RPAIN: variants seen among roughly 807,000 people sequenced by gnomAD.
RPAIN encodes RPA interacting protein.
RPAIN carries 29 observed loss-of-function variants against 30.5 expected under a neutral mutation model. That is an observed-to-expected ratio of 0.95 (90% CI 0.71 to 1.30). The LOEUF is 1.30. Ranked by LOEUF, RPAIN falls within the 50% of genes most tolerant of loss-of-function variation. The pLI, the probability that RPAIN is intolerant of heterozygous loss-of-function variation, is 0.00. For missense variants in RPAIN, 247 were observed against 264.7 expected, an observed-to-expected ratio of 0.93 and a Z score of 0.46; for synonymous variants, 101 against 93.5, an observed-to-expected ratio of 1.08 and a Z score of -0.46.
intron 6 of RPAIN, chr17:5,429,443 G>A (rs1291012944): frequency 2.0e-6 from 2 of 985,388 alleles, no homozygotes; most frequent in Non-Finnish European, 2.4e-6. Context: ...GTTAGGAATA[G>A]GAAACAGATT....
chr17:5,426,562 G>A (rs1386097339), intron 5 of RPAIN: 5 of 422,372 alleles, frequency 1.2e-5, no homozygotes, highest in Non-Finnish European at 2.1e-5. Context: ...CTTGGGATTG[G>A]TAACGCCTGT....
At chr17:5,432,511 TTAAGC>T in intron 6 of RPAIN, 26 bp from the exon 7 acceptor site, 4 of 1,604,490 alleles carry the variant, frequency 2.5e-6, no homozygotes, top group Non-Finnish European at 3.4e-6. Context: ...AGAATACAAT[TTAAGC>T]TAATTATTTT....
chr17:5,422,831 T>G lies in RPAIN; in HGVS notation c.313+2T>G. On this transcript the variant is annotated splice_donor_variant, in intron 3 of 6. Transcript: ENST00000381209. LOFTEE classifies it high-confidence loss of function. ...TTCAACAGGAGCTGATCAACCAAGG[T>G]AACCCCTAGTGGTAGTCCTTCCTTA... 6.2e-7 allele frequency: 1 copy of G among 1,603,178 alleles called. No homozygotes were observed. The highest frequency in any genetic ancestry group is 2.2e-5 in the East Asian group (1 of 44,554).
At chr17:5,423,782 C>T (rs1230429302) in intron 3 of RPAIN, among the ~76,000 whole-genome samples, 2 of 151,974 alleles carry the variant, frequency 1.3e-5, no homozygotes, top group East Asian at 3.9e-4. Context: ...TTTTTTGAGA[C>T]AGGGTCTCTG....
rs1455510035 is a variant in RPAIN, at chr17:5,428,114, G to A, written c.533G>A (p.Gly178Asp). Residue 178 changes from glycine (G) to aspartate (D), a missense_variant, in exon 6 of 7, where the codon GGT becomes GAT. Transcript: ENST00000381209. Reference sequence around the variant, plus strand: ...CAGAAGCTTCGTGCCTGTTTAGAGGGTAGTATAAATGAGCACAGTGCACAT... The same window carrying A: ...CAGAAGCTTCGTGCCTGTTTAGAGGATAGTATAAATGAGCACAGTGCACAT... ...TEQKLRACLE[G>D]SINEHSAHCP... The A allele has an allele frequency of 6.2e-7, 1 of 1,613,988 alleles. No homozygotes were observed. Among genetic ancestry groups the A allele is most frequent in the African/African-American group, 1.3e-5 (1 of 74,902 alleles).
chr17:5,431,139 G>T (rs1915871054), intron 6 of RPAIN: 1 of 314,334 alleles, frequency 3.2e-6, no homozygotes, highest in Non-Finnish European at 6.1e-6. Flanking sequence ...CGGCTCTGGG[G>T]TGGGCAGGAA....
At chr17:5,425,125 A>G (rs1212311185) in intron 3 of RPAIN, 1 of 337,846 alleles carries the variant, frequency 3.0e-6, no homozygotes, top group African/African-American at 2.2e-5. Context: ...CTACATAAAC[A>G]AATAAGCGTG....
chr17:5,432,720 T>C lies in RPAIN; in HGVS notation c.*149T>C, dbSNP rs899356996. 16 of 870,596 alleles carry C rather than the reference T, an allele frequency of 1.8e-5. No individual in the cohort carries two copies. In the African/African-American group the frequency reaches 1.9e-4, roughly 10 times the overall value. The allele number at this position is 870,596 out of a possible 1,614,324, so 53.9% of individuals were successfully genotyped here. On this transcript the variant is annotated 3_prime_UTR_variant, in exon 7 of 7. Coordinates refer to ENST00000381209, the MANE Select transcript of RPAIN (RefSeq NM_001033002.4). ...GAAAAAAAAACTTTTCCGACATCTG[T>C]TCTTGGTCTTTTGTGACGCAGGTTG...
At chr17:5,426,415 T>C in intron 5 of RPAIN, 116 bp downstream of exon 5, 1 of 907,068 alleles carries the variant, frequency 1.1e-6, no homozygotes, top group Non-Finnish European at 1.8e-6. Context: ...AGTTTTATGT[T>C]CAGTGGTGTC....
At chr17:5,431,504 G>GAAAAAA (rs1915937354) in intron 6 of RPAIN, 2 of 348,062 alleles carry the variant, frequency 5.7e-6, no homozygotes, top group African/African-American at 3.9e-5. Context: ...AAAAAAAGAG[G>GAAAAAA]AGGGGGAAAG....
intron 6 of RPAIN, chr17:5,428,477 C>T (rs1055830942): frequency 1.2e-5 from 17 of 1,423,606 alleles, no homozygotes; most frequent in African/African-American, 2.9e-5. Context: ...CTTCTTTGAT[C>T]AGTAGTAGTG....
At chr17:5,429,868 A>G in intron 6 of RPAIN, 1 of 797,446 alleles carries the variant, frequency 1.3e-6, no homozygotes, top group Non-Finnish European at 1.5e-6. Context: ...GATTCCTCAC[A>G]AGGAATTGGC....
At chr17:5,427,586 T>C (rs1915522064) in intron 5 of RPAIN, 1 of 154,452 alleles carries the variant, frequency 6.5e-6, no homozygotes, top group Admixed American at 6.3e-5. Context: ...TTTCTTTCTT[T>C]CTTTTTTTTT....
intron 3 of RPAIN, among the ~76,000 whole-genome samples, chr17:5,424,505 G>A (rs1915193781): frequency 6.6e-6 from 1 of 152,190 alleles, no homozygotes; most frequent in Non-Finnish European, 1.5e-5. Flanking sequence ...AATAACGTGT[G>A]TAGAAGACTT....
At chr17:5,431,911 C>T (rs1915999405) in intron 6 of RPAIN, 2 of 306,186 alleles carry the variant, frequency 6.5e-6, no homozygotes, top group Non-Finnish European at 1.3e-5. Context: ...AACGCTAAGC[C>T]TGTGGGAGTT....
chr17:5,424,997 G>A (rs997575830), intron 3 of RPAIN: 7 of 236,342 alleles, frequency 3.0e-5, no homozygotes, highest in Admixed American at 5.5e-5. Context: ...TTCTAAAGCA[G>A]AAGTTGGCAG....
chr17:5,429,733 C>G, intron 6 of RPAIN: 1 of 985,484 alleles, frequency 1.0e-6, no homozygotes, highest in African/African-American at 1.7e-5. Context: ...GCAGTGCTTT[C>G]AGGCCTCTGT....
rs1317377071 is a variant in RPAIN at position 5,426,232 on chromosome 17, C to T, written c.426-4C>T. 6.2e-7 allele frequency: 1 copy of T among 1,614,148 alleles called. No homozygotes were observed. The highest frequency in any genetic ancestry group is 1.1e-5 in the South Asian group (1 of 91,084). ...ATGCTCTGGGATCCTAATTCTGCTT[C>T]TAGGTACAACCTGAGAATCACAAGC... On this transcript the variant is annotated splice_polypyrimidine_tract_variant and splice_region_variant and intron_variant, in intron 4 of 6. Transcript: ENST00000381209.
rs371843515 is a variant in RPAIN, at chr17:5,428,145, C to T, written c.564C>T (p.Pro188=). 6.4e-5 allele frequency: 104 copies of T among 1,613,976 alleles called. No homozygotes were observed. The highest frequency in any genetic ancestry group is 3.3e-4 in the Middle Eastern group (2 of 6,084). ...GSINEHSAHC[P]HTPEFSVTGG... ...TAAATGAGCACAGTGCACATTGTCC[C>T]CACACACCTGAATTTTCAGTCACTG... is the stretch of plus-strand genomic sequence containing the variant. The change falls in exon 6 of 7, where the codon CCC becomes CCT. Residue 188 remains proline (P), a synonymous_variant. Transcript: ENST00000381209.
Sources: gnomAD v4.1 joint callset for allele counts (sites outside exome capture counted in the v4.1 genomes callset) on GRCh38, gnomAD v4.1.1 for gene constraint, MANE v1.5 for transcripts, NCBI Gene and HGNC (gene_info 2026-07-23, HGNC 2026-07-21) for gene names.